PHF6: variants seen among roughly 807,000 people sequenced by gnomAD.
PHF6 encodes PHD finger protein 6.
Under a neutral mutation model 34.0 loss-of-function variants are expected in PHF6, and 7 were observed. The observed-to-expected ratio is 0.21, with a 90% CI of 0.12 to 0.39. The LOEUF is 0.39. Ranked by LOEUF, PHF6 falls within the 10% of genes least tolerant of loss-of-function variation. The probability of loss-of-function intolerance (pLI) is 1.00; values close to 1 mark genes in which losing one functional copy is unlikely to be tolerated. For missense variants in PHF6, 128 were observed against 262.8 expected, an observed-to-expected ratio of 0.49 and a Z score of 3.55; for synonymous variants, 89 against 88.4, an observed-to-expected ratio of 1.01 and a Z score of -0.04.
intron 1 of PHF6, among the ~76,000 whole-genome samples, chrX:134,376,626 A>G (rs1335424564): frequency 2.7e-5 from 3 of 111,933 alleles, no homozygotes; most frequent in African/African-American, 9.7e-5. Flanking sequence ...TCCTTTACAC[A>G]ATATTACTAA....
At chrX:134,384,568 A>G (rs1451087642) in intron 3 of PHF6, among the ~76,000 whole-genome samples, 1 of 108,460 alleles carries the variant, frequency 9.2e-6, no homozygotes, top group East Asian at 2.9e-4. Flanking sequence ...TGAATCCTTT[A>G]CCATCAACTC....
chrX:134,378,091 A>G lies in PHF6; in HGVS notation c.225A>G (p.Lys75=). The G allele has an allele frequency of 4.2e-6, 5 of 1,185,818 alleles. No individual in the cohort carries two copies. The highest frequency in any genetic ancestry group is 5.7e-6 in the Non-Finnish European group (5 of 874,457). The part of the protein sequence containing the change: ...FSIEDVQKEI[K]RGTKLMCSLC... The stretch of plus-strand genomic sequence containing the variant: ...TTGAAGATGTCCAAAAGGAAATTAA[A>G]AGAGGCACGAAGCTGGTAAGTTGGT... The change falls in exon 3 of 11, where the codon AAA becomes AAG. Residue 75 remains lysine, a synonymous_variant. Transcript: ENST00000370803.
chrX:134,395,120 TG>T (rs2077372154), intron 5 of PHF6, among the ~76,000 whole-genome samples: 3 of 111,848 alleles, frequency 2.7e-5, no homozygotes, highest in Admixed American at 1.9e-4. Context: ...CCCAAAGTGC[TG>T]GGATTACAGG....
In PHF6 at chrX:134,400,390, CTTT is replaced by C. The variant is rs59456723; in HGVS notation, c.418+6460_418+6462del. Among the ~76,000 whole-genome samples, 287 of 79,851 alleles carry C rather than the reference CTTT, an allele frequency of 3.6e-3. 2 individuals carry two copies. The highest frequency in any genetic ancestry group is 5.0e-3 in the Non-Finnish European group (210 of 42,140). The allele number at this position is 79,851 out of a possible 115,157, so 69.3% of individuals were successfully genotyped here. ...GTTGAGCCACCCTCCCAGCCTTTGC[CTTT>C]TTTTTTTTTTTTTTTTTTTTTAGGA... On this transcript the variant is annotated intron_variant, in intron 5 of 10. Coordinates refer to ENST00000370803, the MANE Select transcript of PHF6 (RefSeq NM_001015877.2).
intron 8 of PHF6, 198 bp downstream of exon 8, chrX:134,415,318 C>T (rs1003918230): frequency 4.8e-6 from 3 of 625,707 alleles, no homozygotes; most frequent in Non-Finnish European, 7.4e-6. Context: ...AACTTCATTA[C>T]TTTAAGAGAA....
At chrX:134,421,517 G>T (rs944577642) in intron 9 of PHF6, among the ~76,000 whole-genome samples, 1 of 111,423 alleles carries the variant, frequency 9.0e-6, no homozygotes, top group Non-Finnish European at 1.9e-5. Flanking sequence ...TCCAAAATCA[G>T]ATTGTATGGA....
intron 1 of PHF6, among the ~76,000 whole-genome samples, chrX:134,375,115 A>G (rs903628442): frequency 8.9e-6 from 1 of 111,820 alleles, no homozygotes; most frequent in Non-Finnish European, 1.9e-5. Context: ...GATGTTCTCC[A>G]CTTCATGTTT....
chrX:134,378,132 G>T (rs2077287221), intron 3 of PHF6, 26 bp downstream of exon 3: 1 of 1,019,268 alleles, frequency 9.8e-7, no homozygotes, highest in South Asian at 2.0e-5. Context: ...TGCCTCTTGA[G>T]AATAAAAATT....
intron 5 of PHF6, among the ~76,000 whole-genome samples, chrX:134,406,511 C>G (rs184706280): frequency 1.8e-5 from 2 of 111,549 alleles, no homozygotes; most frequent in Non-Finnish European, 3.8e-5. Context: ...ACATTGGTTA[C>G]TAAGAGAAGA....
chrX:134,414,323 AT>A lies in PHF6; in HGVS notation c.729+359del, dbSNP rs781259992. Among the ~76,000 whole-genome samples the A allele has an allele frequency of 2.5e-3, 274 of 111,821 alleles. 1 individual carries two copies. Among genetic ancestry groups the A allele is most frequent in the African/African-American group, 8.4e-3 (259 of 30,895 alleles). On this transcript the variant is annotated intron_variant, in intron 7 of 10. Transcript: ENST00000370803. ...TTTAGACTTTCACTATAACCTAATAATTATCTCTGTTGTACTTAACACTCTA... is the reference window on the plus strand; with the variant it reads ...TTTAGACTTTCACTATAACCTAATAATATCTCTGTTGTACTTAACACTCTA...
At chrX:134,404,041 G>A (rs902269560) in intron 5 of PHF6, among the ~76,000 whole-genome samples, 2 of 112,036 alleles carry the variant, frequency 1.8e-5, no homozygotes, top group Admixed American at 9.5e-5. Context: ...CTTAGAGCCC[G>A]TGGATCAAGG....
intron 3 of PHF6, among the ~76,000 whole-genome samples, chrX:134,382,320 C>T (rs1383874116): frequency 9.0e-6 from 1 of 111,237 alleles, no homozygotes; most frequent in East Asian, 2.8e-4. Flanking sequence ...TATATTTTTC[C>T]AGTATGATTT....
chrX:134,393,424 A>C, intron 3 of PHF6, 77 bp from the exon 4 acceptor site: 2 of 1,066,506 alleles, frequency 1.9e-6, no homozygotes, highest in South Asian at 4.2e-5. Context: ...CCTTGACAGA[A>C]ATTGATATGC....
chrX:134,414,238 GTAAT>G (rs2077462910), intron 7 of PHF6, among the ~76,000 whole-genome samples: 1 of 111,197 alleles, frequency 9.0e-6, no homozygotes, highest in Non-Finnish European at 1.9e-5. Context: ...AGGATAATCT[GTAAT>G]TAATTATTTC....
At chrX:134,423,846 C>T (rs1026129849) in intron 9 of PHF6, among the ~76,000 whole-genome samples, 10 of 110,549 alleles carry the variant, frequency 9.0e-5, no homozygotes, top group African/African-American at 2.3e-4. Context: ...CTTCCATTGT[C>T]GTCTTATGTA....
chrX:134,396,146 GAA>G (rs2077376175), intron 5 of PHF6, among the ~76,000 whole-genome samples: 1 of 111,461 alleles, frequency 9.0e-6, no homozygotes, highest in African/African-American at 3.3e-5. Context: ...CACACAATGT[GAA>G]ATAAGTACAT....
Position 134,426,333 on chromosome X carries a change from A to G in PHF6, c.*673A>G, listed in dbSNP as rs2077507463. 6.2e-6 allele frequency: 1 copy of G among 160,378 alleles called. No individual in the cohort carries two copies. Among genetic ancestry groups the G allele is most frequent in the Admixed American group, 8.2e-5 (1 of 12,154 alleles). The allele number at this position is 160,378 out of a possible 1,213,427, so 13.2% of individuals were successfully genotyped here. On this transcript the variant is annotated 3_prime_UTR_variant, in exon 11 of 11. Transcript: ENST00000370803. ...CACACCTCCTCTCTTTCCATGTTAT[A>G]CAAAGGACTTCTGGCAAAATGATTG... is the stretch of plus-strand genomic sequence containing the variant.
intron 5 of PHF6, among the ~76,000 whole-genome samples, chrX:134,400,201 C>T (rs960121409): frequency 1.8e-5 from 2 of 110,933 alleles, no homozygotes; most frequent in East Asian, 2.8e-4. Flanking sequence ...ACTTCAGCCT[C>T]CTGAGTAGCT....
chrX:134,424,932 C>T (rs1006064189), intron 9 of PHF6, among the ~76,000 whole-genome samples: 3 of 111,662 alleles, frequency 2.7e-5, no homozygotes, highest in African/African-American at 3.3e-5. Flanking sequence ...TGCTTTTAAT[C>T]TCATTGGGCA....
Sources: gnomAD v4.1 joint callset for allele counts (sites outside exome capture counted in the v4.1 genomes callset) on GRCh38, gnomAD v4.1.1 for gene constraint, MANE v1.5 for transcripts, NCBI Gene and HGNC (gene_info 2026-07-23, HGNC 2026-07-21) for gene names.